The following ANAPC5 variants were observed in gnomAD, a reference collection of about 807,000 sequenced individuals.
ANAPC5 encodes the protein anaphase promoting complex subunit 5.
In ANAPC5, 60 loss-of-function variants were observed where a neutral mutation model predicts 91.3. The observed-to-expected ratio is 0.66, with a 90% CI of 0.53 to 0.81. The LOEUF is 0.81. ANAPC5 is among the 40% of genes least tolerant of loss of function. The probability of loss-of-function intolerance (pLI) is 0.00; values close to 1 mark genes in which losing one functional copy is unlikely to be tolerated. For synonymous variants in ANAPC5, 340 were observed against 364.1 expected (o/e 0.93, Z 0.75); for missense variants, 690 against 931.5 (o/e 0.74, Z 3.37).
At position 121,309,864 on chromosome 12, in the gene ANAPC5, C is replaced by G; in HGVS notation, c.1894-1G>C. 1.2e-6 allele frequency: 2 copies of G among 1,611,598 alleles called. No individual in the cohort carries two copies. Among genetic ancestry groups the G allele is most frequent in the Non-Finnish European group, 1.7e-6 (2 of 1,179,046 alleles). Reference sequence around the variant, plus strand: ...CCTGTTCTGGGATTCCAAGAATGAGCTGAAAAAGAAACATCATGGCACTGT... The same window carrying G: ...CCTGTTCTGGGATTCCAAGAATGAGGTGAAAAAGAAACATCATGGCACTGT... On this transcript the variant is annotated splice_acceptor_variant, in intron 15 of 16. Coordinates refer to ENST00000261819, the MANE Select transcript of ANAPC5 (RefSeq NM_016237.5). LOFTEE classifies it high-confidence loss of function.
intron 2 of ANAPC5, 39 bp from the exon 3 acceptor site, chr12:121,347,044 C>A: frequency 7.6e-7 from 1 of 1,312,404 alleles, no homozygotes; most frequent in Non-Finnish European, 1.1e-6. Flanking sequence ...TAGAAAGGCC[C>A]TTTGAATAAT....
intron 8 of ANAPC5, 64 bp downstream of exon 8, chr12:121,331,283 C>A (rs938807078): frequency 2.2e-6 from 3 of 1,375,392 alleles, no homozygotes; most frequent in African/African-American, 1.4e-5. Flanking sequence ...CCCAATTCAA[C>A]GGGGCCTTGT....
chr12:121,335,507 G>C (rs369123565), intron 7 of ANAPC5, 26 bp downstream of exon 7: 2 of 1,556,676 alleles, frequency 1.3e-6, no homozygotes, highest in African/African-American at 2.7e-5. Context: ...TTCAATTTGC[G>C]CAAGGACAAA....
At chr12:121,313,946 C>T (rs1902260157) in intron 15 of ANAPC5, among the ~76,000 whole-genome samples, 1 of 152,178 alleles carries the variant, frequency 6.6e-6, no homozygotes, top group South Asian at 2.1e-4. Context: ...CACAAGAAAA[C>T]CACAGATCAA....
In ANAPC5 at chr12:121,309,761, A is replaced by G; in HGVS notation, c.1996T>C (p.Leu666=). 6.2e-7 allele frequency: 1 copy of G among 1,614,168 alleles called. No homozygotes were observed. Residue 666 remains leucine, a synonymous_variant, in exon 16 of 17, where the codon TTA becomes CTA. Transcript: ENST00000261819. ...AILDKGRAMF[L]VAKCQVASAA... Reference sequence around the variant, plus strand: ...GAAGCCACCTGGCACTTGGCCACTAAGAACATGGCACGACCTTTGTCCAGG... The same window carrying G: ...GAAGCCACCTGGCACTTGGCCACTAGGAACATGGCACGACCTTTGTCCAGG...
chr12:121,351,746 T>C (rs1206355186), intron 1 of ANAPC5, among the ~76,000 whole-genome samples: 1 of 152,108 alleles, frequency 6.6e-6, no homozygotes, highest in Non-Finnish European at 1.5e-5. Context: ...CGTGAGCCAC[T>C]GCGCCCGGCC....
chr12:121,311,041 A>T (rs533545739), intron 15 of ANAPC5, among the ~76,000 whole-genome samples: 106 of 150,936 alleles, frequency 7.0e-4, no homozygotes, highest in African/African-American at 2.5e-3. Flanking sequence ...TTTTTTTTTT[A>T]AAGTATCCAC....
intron 2 of ANAPC5, 183 bp from the exon 3 acceptor site, chr12:121,347,188 ATTG>A (rs1566198411): frequency 3.8e-6 from 2 of 523,772 alleles, no homozygotes; most frequent in East Asian, 6.6e-5. Context: ...GAAAAGTATC[ATTG>A]TTGTTTTCTT....
At chr12:121,341,898 A>G (rs143064498) in intron 5 of ANAPC5, 105 bp downstream of exon 5, 3 of 815,122 alleles carry the variant, frequency 3.7e-6, no homozygotes, top group Non-Finnish European at 5.7e-6. Flanking sequence ...AGACTGACCA[A>G]CAAACCTATG....
At chr12:121,327,297 G>T in intron 10 of ANAPC5, 66 bp from the exon 11 acceptor site, 6 of 1,584,466 alleles carry the variant, frequency 3.8e-6, no homozygotes, top group African/African-American at 1.3e-5. Context: ...GGCCATGCCC[G>T]TCAGCTATCT....
intron 13 of ANAPC5, 99 bp downstream of exon 13, chr12:121,319,598 T>C: frequency 7.6e-7 from 1 of 1,313,642 alleles, no homozygotes; most frequent in Non-Finnish European, 1.0e-6. Flanking sequence ...AAAATAAAGT[T>C]TTTTTCTAAG....
At chr12:121,321,483 T>A (rs1267610371) in intron 11 of ANAPC5, among the ~76,000 whole-genome samples, 2 of 149,354 alleles carry the variant, frequency 1.3e-5, no homozygotes, top group South Asian at 4.2e-4. Context: ...GCCTCCCGAG[T>A]AGCAGGGAAT....
intron 9 of ANAPC5, chr12:121,329,268 C>G (rs1902940163): frequency 6.6e-6 from 1 of 152,256 alleles, no homozygotes; most frequent in African/African-American, 2.4e-5. Context: ...ATTCTTCTGC[C>G]TCAGCCTCCA....
chr12:121,319,837 A>G lies in ANAPC5; in HGVS notation c.1516-19T>C, dbSNP rs760968138. 6.3e-7 allele frequency: 1 copy of G among 1,583,570 alleles called. No homozygotes were observed. The highest frequency in any genetic ancestry group is 1.2e-5 in the South Asian group (1 of 86,394). ...TCCATAACTAGTAAGAAAAAAAAAC[A>G]CAATTAAGTACAAAATGGCGAATGT... is the stretch of plus-strand genomic sequence containing the variant. On this transcript the variant is annotated intron_variant, in intron 12 of 16. Transcript: ENST00000261819.
upstream of ANAPC5, chr12:121,352,476 T>C: frequency 4.2e-6 from 3 of 711,204 alleles, no homozygotes; most frequent in East Asian, 5.4e-5. Flanking sequence ...CTCGCGGCAT[T>C]TGTTAACCAA....
Position 121,308,503 on chromosome 12 carries a change from C to A in ANAPC5, c.2245G>T (p.Val749Leu). Residue 749 changes from valine to leucine, a missense_variant, in exon 17 of 17, where the codon GTA (valine) becomes TTA (leucine). Coordinates refer to ENST00000261819, the MANE Select transcript of ANAPC5 (RefSeq NM_016237.5). Reference protein sequence around the residue: ...QLHQELPSHGVPLINHL With the variant: ...QLHQELPSHGLPLINHL The stretch of plus-strand genomic sequence containing the variant: ...CTCTAGAGATGGTTTATCAAGGGTA[C>A]CCCATGAGAGGGCAGCTCCTGATGC... 2 of 1,614,054 alleles carry A rather than the reference C, an allele frequency of 1.2e-6. No homozygotes were observed. Among genetic ancestry groups the A allele is most frequent in the Non-Finnish European group, 1.7e-6 (2 of 1,179,980 alleles).
intron 13 of ANAPC5, 83 bp from the exon 14 acceptor site, chr12:121,318,691 A>T: frequency 8.1e-7 from 1 of 1,241,720 alleles, no homozygotes; most frequent in Non-Finnish European, 1.2e-6. Context: ...TTGCGCTATA[A>T]ACCTCCCAAG....
chr12:121,352,550 G>T (rs1903946235), upstream of ANAPC5: 5 of 534,858 alleles, frequency 9.3e-6, no homozygotes, highest in Non-Finnish European at 1.7e-5. Flanking sequence ...AGAGTGCGGG[G>T]AGGGGTGCAC....
At chr12:121,353,283 C>T (rs1018704866), upstream of ANAPC5, among the ~76,000 whole-genome samples, 2 of 152,148 alleles carry the variant, frequency 1.3e-5, no homozygotes, top group Non-Finnish European at 2.9e-5. Context: ...ATTCCCCTTC[C>T]GTTCATCTGT....
Sources: allele counts gnomAD v4.1 joint callset (sites outside exome capture counted in the v4.1 genomes callset), GRCh38; gene constraint gnomAD v4.1.1; transcripts MANE v1.5; gene names NCBI Gene and HGNC (gene_info 2026-07-23, HGNC 2026-07-21).